The following ATP11C variants were observed in gnomAD, a reference collection of about 807,000 sequenced individuals.
ATP11C encodes phospholipid-transporting ATPase IG.
ATP11C carries 36 observed loss-of-function variants against 97.4 expected under a neutral mutation model. That is an observed-to-expected ratio of 0.37 (90% CI 0.28 to 0.49). ATP11C has a LOEUF of 0.49. Ranked by LOEUF, ATP11C falls within the 20% of genes least tolerant of loss-of-function variation. The pLI is 0.98. For missense variants in ATP11C, 730 were observed against 824.6 expected, an observed-to-expected ratio of 0.89 and a Z score of 1.40; for synonymous variants, 275 against 290.9, an observed-to-expected ratio of 0.95 and a Z score of 0.56.
intron 28 of ATP11C, chrX:139,737,652 A>C (rs969380556): frequency 4.2e-6 from 1 of 239,634 alleles, no homozygotes; most frequent in Non-Finnish European, 7.9e-6. Context: ...TTTCCTTTTA[A>C]AATTCCATAT....
At chrX:139,791,232 A>C (rs2082684500) in intron 12 of ATP11C, among the ~76,000 whole-genome samples, 1 of 110,467 alleles carries the variant, frequency 9.1e-6, no homozygotes, top group South Asian at 3.8e-4. Flanking sequence ...TTACTTGTGT[A>C]TCATTTAGAT....
chrX:139,811,563 C>CTT (rs373554418), intron 5 of ATP11C, among the ~76,000 whole-genome samples: 1 of 103,813 alleles, frequency 9.6e-6, no homozygotes, highest in Non-Finnish European at 2.0e-5. Flanking sequence ...CTTAATTATT[C>CTT]TTTTTTTTTT....
At chrX:139,841,795 T>C (rs1007501456) in intron 1 of ATP11C, among the ~76,000 whole-genome samples, 2 of 112,297 alleles carry the variant, frequency 1.8e-5, no homozygotes, top group South Asian at 3.7e-4. Flanking sequence ...TATACATACA[T>C]ACACATATAT....
chrX:139,825,967 T>C (rs2083518540), intron 2 of ATP11C, among the ~76,000 whole-genome samples: 1 of 112,177 alleles, frequency 8.9e-6, no homozygotes, highest in African/African-American at 3.2e-5. Context: ...TAAGAAGTGG[T>C]TTCACAGAGT....
At chrX:139,782,035 C>T (rs1427189060) in intron 18 of ATP11C, among the ~76,000 whole-genome samples, 3 of 111,519 alleles carry the variant, frequency 2.7e-5, no homozygotes, top group Non-Finnish European at 3.8e-5. Context: ...CCTTAAAAAT[C>T]ATTCCTACTG....
chrX:139,737,824 A>G (rs1381190758), intron 28 of ATP11C, 92 bp downstream of exon 28: 1 of 896,622 alleles, frequency 1.1e-6, no homozygotes, highest in Admixed American at 2.2e-5. Flanking sequence ...ACATGCTGTA[A>G]CTAATGTAAT....
chrX:139,855,049 T>C (rs1363322797), intron 1 of ATP11C, among the ~76,000 whole-genome samples: 1 of 112,420 alleles, frequency 8.9e-6, no homozygotes. Flanking sequence ...ATTATGTCTA[T>C]AAGTTTTATT....
At chrX:139,802,179 T>C in intron 7 of ATP11C, 57 bp downstream of exon 7, 2 of 884,239 alleles carry the variant, frequency 2.3e-6, no homozygotes, top group South Asian at 4.0e-5. Flanking sequence ...GCAATACTAT[T>C]AGCAAAGAGA....
intron 1 of ATP11C, among the ~76,000 whole-genome samples, chrX:139,827,989 C>A (rs2083566360): frequency 9.0e-6 from 1 of 111,638 alleles, no homozygotes; most frequent in South Asian, 3.7e-4. Context: ...CTTTGCCTTG[C>A]GTTTTCATTT....
At chrX:139,818,320 G>A (rs1286507021) in intron 3 of ATP11C, among the ~76,000 whole-genome samples, 1 of 111,837 alleles carries the variant, frequency 8.9e-6, no homozygotes, top group Non-Finnish European at 1.9e-5. Flanking sequence ...GAGTAGAAAA[G>A]CCATATCTTG....
At chrX:139,870,336 T>G (rs886276019) in intron 1 of ATP11C, among the ~76,000 whole-genome samples, 1 of 112,589 alleles carries the variant, frequency 8.9e-6, no homozygotes, top group African/African-American at 3.2e-5. Flanking sequence ...TTTACACGTA[T>G]GTTTAGTTAT....
chrX:139,748,426 G>C (rs2081739364), intron 24 of ATP11C, among the ~76,000 whole-genome samples: 1 of 110,788 alleles, frequency 9.0e-6, no homozygotes, highest in African/African-American at 3.3e-5. Flanking sequence ...TGCACTATCG[G>C]GCTTCACTTT....
At chrX:139,790,332 G>A (rs749382421) in intron 12 of ATP11C, among the ~76,000 whole-genome samples, 8 of 111,564 alleles carry the variant, frequency 7.2e-5, no homozygotes, top group Non-Finnish European at 1.5e-4. Context: ...GCCTCCCAAA[G>A]TGTTGGGATT....
chrX:139,782,450 T>C (rs2082482883), intron 18 of ATP11C, 97 bp downstream of exon 18: 4 of 571,787 alleles, frequency 7.0e-6, no homozygotes, highest in Non-Finnish European at 7.9e-6. Context: ...ACAATAAAAC[T>C]AAAGATTTCA....
At position 139,768,434 on chromosome X, in the gene ATP11C, T is replaced by C; in HGVS notation, c.2217A>G (p.Lys739=). 9.1e-7 allele frequency: 1 copy of C among 1,094,360 alleles called. No homozygotes were observed. Among genetic ancestry groups the C allele is most frequent in the Non-Finnish European group, 1.2e-6 (1 of 832,189 alleles). 90.2% of individuals were successfully genotyped at this position (1,094,360 alleles called of 1,213,427 possible). The change falls in exon 20 of 30, where the codon AAA becomes AAG. Residue 739 remains lysine (K), a splice_region_variant and synonymous_variant. Transcript: ENST00000682941. The stretch of plus-strand genomic sequence containing the variant: ...CATATTCCTGATGTTCTGTCCATGC[T>C]CTGAAAAAGAGAAACAATGCTATGT... The part of the protein sequence containing the change: ...EFPKSTRSFK[K]AWTEHQEYGL...
intron 1 of ATP11C, among the ~76,000 whole-genome samples, chrX:139,857,188 T>C (rs964516066): frequency 1.8e-5 from 2 of 111,631 alleles, no homozygotes; most frequent in African/African-American, 6.5e-5. Context: ...CTCATAAAAA[T>C]AGCACTTACT....
chrX:139,888,210 T>A lies in ATP11C; in HGVS notation c.27+43806A>T, dbSNP rs375250984. On this transcript the variant is annotated intron_variant, in intron 1 of 29. Coordinates refer to ENST00000682941, the MANE Select transcript of ATP11C (RefSeq NM_001353812.2). ...GTGCAACAGTGCGATCTCAGCTCATTGCAACCTCTGCCTCCCGGGTTCAGG... is the reference window on the plus strand; with the variant it reads ...GTGCAACAGTGCGATCTCAGCTCATAGCAACCTCTGCCTCCCGGGTTCAGG... 4.6e-5 allele frequency among the ~76,000 whole-genome samples: 5 copies of A among 107,765 alleles called. No homozygotes were observed. The East Asian group carries it at 1.5e-3, about 32-fold the overall frequency. The allele number at this position is 107,765 out of a possible 115,157, so 93.6% of individuals were successfully genotyped here. A position where few individuals can be genotyped will look rare whatever the true frequency, so the allele number is the denominator to read the frequency against.
intron 24 of ATP11C, among the ~76,000 whole-genome samples, 200 bp from the exon 25 acceptor site, chrX:139,746,057 T>C (rs1378051275): frequency 9.0e-6 from 1 of 111,386 alleles, no homozygotes; most frequent in African/African-American, 3.3e-5. Context: ...GCCACTGGAG[T>C]AAACTCTCTA....
At chrX:139,773,406 T>C (rs978065481) in intron 19 of ATP11C, among the ~76,000 whole-genome samples, 7 of 111,164 alleles carry the variant, frequency 6.3e-5, no homozygotes, top group African/African-American at 2.0e-4. Flanking sequence ...AGGGCGGCCA[T>C]TTGCAAGCCA....
Sources: gnomAD v4.1 joint callset for allele counts (sites outside exome capture counted in the v4.1 genomes callset) on GRCh38, gnomAD v4.1.1 for gene constraint, MANE v1.5 for transcripts, NCBI Gene and HGNC (gene_info 2026-07-23, HGNC 2026-07-21) for gene names.